Variants in C3orf49 observed in about 807,000 individuals in gnomAD.
C3orf49 encodes putative uncharacterized protein C3orf49.
C3orf49 carries 27 observed loss-of-function variants against 13.3 expected under a neutral mutation model. The ratio of observed to expected loss-of-function variants is 2.02; its 90% CI spans 1.49 to 2.79. The LOEUF is 2.79. C3orf49 is among the 30% of genes most tolerant of loss of function. The pLI, the probability that C3orf49 is intolerant of heterozygous loss-of-function variation, is 0.00. For synonymous variants in C3orf49, 87 were observed against 47.6 expected (o/e 1.83, Z -3.40); for missense variants, 242 against 134.2 (o/e 1.80, Z -3.97).
At chr3:63,828,946 A>G (rs1026218239) in intron 3 of C3orf49, among the ~76,000 whole-genome samples, 3 of 152,152 alleles carry the variant, frequency 2.0e-5, no homozygotes, top group African/African-American at 7.2e-5. Flanking sequence ...ACATGTCACC[A>G]CCTATGTTAA....
Position 63,819,330 on chromosome 3 carries a change from C to T in C3orf49, c.-142C>T, listed in dbSNP as rs1014055871. ...CACCTGGAAGGGAATAAGGGAAAGACTCTAAAAATTTCCTACATATTTTAT... is the reference window on the plus strand; with the variant it reads ...CACCTGGAAGGGAATAAGGGAAAGATTCTAAAAATTTCCTACATATTTTAT... On this transcript the variant is annotated 5_prime_UTR_variant, in exon 1 of 7. Transcript: ENST00000295896. 6.8e-6 allele frequency: 4 copies of T among 589,562 alleles called. No homozygotes were observed. Among genetic ancestry groups the T allele is most frequent in the African/African-American group, 3.7e-5 (2 of 53,748 alleles). 36.5% of individuals were successfully genotyped at this position (589,562 alleles called of 1,614,324 possible). A position where few individuals can be genotyped will look rare whatever the true frequency, so the allele number is the denominator to read the frequency against.
the C3orf49 span, among the ~76,000 whole-genome samples, chr3:63,785,054 C>CTCT: frequency 2.9e-5 from 4 of 135,630 alleles, no homozygotes; most frequent in African/African-American, 5.6e-5. Context: ...CACTGGACTT[C>CTCT]TCTTCTTCTT....
intron 5 of C3orf49, chr3:63,839,608 A>C (rs368913290): frequency 1.9e-5 from 30 of 1,543,806 alleles, no homozygotes; most frequent in Non-Finnish European, 2.6e-5. Flanking sequence ...ATAGGGCCTA[A>C]AATCACATTA....
chr3:63,799,875 G>T, the C3orf49 span, among the ~76,000 whole-genome samples: 1 of 152,100 alleles, frequency 6.6e-6, no homozygotes, highest in African/African-American at 2.4e-5. Context: ...CTGAGGACGA[G>T]ACCTAGAGTT....
chr3:63,797,903 C>T, the C3orf49 span, among the ~76,000 whole-genome samples: 17 of 152,096 alleles, frequency 1.1e-4, no homozygotes, highest in African/African-American at 3.4e-4. Context: ...AATCCAGACT[C>T]GTTACATTGT....
chr3:63,832,276 A>G (rs1209571547), intron 5 of C3orf49, among the ~76,000 whole-genome samples: 1 of 152,172 alleles, frequency 6.6e-6, no homozygotes, highest in African/African-American at 2.4e-5. Flanking sequence ...TCTCTAGTGA[A>G]TTAATCAATG....
the C3orf49 span, among the ~76,000 whole-genome samples, chr3:63,803,737 C>T: frequency 5.3e-5 from 8 of 152,138 alleles, no homozygotes; most frequent in African/African-American, 1.9e-4. Context: ...ACCTTTTTGG[C>T]ACCAGGGACT....
upstream of C3orf49, among the ~76,000 whole-genome samples, chr3:63,815,579 G>A (rs559862797): frequency 9.2e-5 from 14 of 151,892 alleles, no homozygotes; most frequent in Non-Finnish European, 1.9e-4. Flanking sequence ...TGCTCATGTC[G>A]TTTTCTGTCT....
chr3:63,792,758 C>G, the C3orf49 span, among the ~76,000 whole-genome samples: 2 of 152,170 alleles, frequency 1.3e-5, no homozygotes, highest in African/African-American at 2.4e-5. Flanking sequence ...GACAACCATT[C>G]CCTTGCTATG....
chr3:63,841,635 C>T (rs1432300072), intron 5 of C3orf49, among the ~76,000 whole-genome samples: 1 of 152,166 alleles, frequency 6.6e-6, no homozygotes, highest in Non-Finnish European at 1.5e-5. Flanking sequence ...ATGGCTTTGA[C>T]AGACTGCTCA....
intron 1 of C3orf49, among the ~76,000 whole-genome samples, chr3:63,822,692 G>A (rs758882607): frequency 6.6e-5 from 10 of 152,172 alleles, no homozygotes; most frequent in Non-Finnish European, 4.4e-5. Flanking sequence ...GATGGTACAC[G>A]TAGTCACTAT....
the C3orf49 span, chr3:63,782,314 C>T: frequency 6.6e-6 from 1 of 152,096 alleles, no homozygotes; most frequent in Admixed American, 6.6e-5. Flanking sequence ...ACATCTTACT[C>T]GTTTATTTTC....
chr3:63,846,944 C>A (rs1701910775), intron 6 of C3orf49, among the ~76,000 whole-genome samples: 1 of 152,182 alleles, frequency 6.6e-6, no homozygotes, highest in East Asian at 1.9e-4. Flanking sequence ...TGACAACCAG[C>A]AACCTAGAAT....
chr3:63,798,939 C>T, the C3orf49 span, among the ~76,000 whole-genome samples: 37 of 152,244 alleles, frequency 2.4e-4, no homozygotes, highest in Admixed American at 1.1e-3. Flanking sequence ...GAATTACTTG[C>T]ATTAATTGTC....
upstream of C3orf49, among the ~76,000 whole-genome samples, chr3:63,817,911 G>A (rs1333450899): frequency 6.6e-6 from 1 of 152,100 alleles, no homozygotes; most frequent in African/African-American, 2.4e-5. Context: ...AATTAAGGCA[G>A]GAGTGCCAAT....
At chr3:63,795,954 A>G in the C3orf49 span, among the ~76,000 whole-genome samples, 1 of 152,184 alleles carries the variant, frequency 6.6e-6, no homozygotes, top group African/African-American at 2.4e-5. Flanking sequence ...TTAGGGGGAA[A>G]GGGCAACCAT....
the C3orf49 span, among the ~76,000 whole-genome samples, chr3:63,812,635 C>G: frequency 1.3e-5 from 2 of 151,902 alleles, no homozygotes; most frequent in African/African-American, 4.8e-5. Context: ...TTTTCCAATT[C>G]TAGAAGTGGT....
chr3:63,822,086 C>T (rs1322634484), intron 1 of C3orf49, among the ~76,000 whole-genome samples: 7 of 152,120 alleles, frequency 4.6e-5, no homozygotes, highest in Admixed American at 3.9e-4. Context: ...CAACATTCTC[C>T]TGCCTCAGCC....
chr3:63,835,248 T>C, intron 5 of C3orf49: 1 of 1,613,276 alleles, frequency 6.2e-7, no homozygotes, highest in African/African-American at 1.3e-5. Context: ...AAAAAATTTA[T>C]ACAAATGACC....
Sources: allele counts gnomAD v4.1 joint callset (sites outside exome capture counted in the v4.1 genomes callset), GRCh38; gene constraint gnomAD v4.1.1; transcripts MANE v1.5; gene names NCBI Gene and HGNC (gene_info 2026-07-23, HGNC 2026-07-21).